POLB: variants seen among roughly 807,000 people sequenced by gnomAD.
The protein encoded by POLB is DNA polymerase beta, also known as 5'-dRP lyase.
In POLB, 37 loss-of-function variants were observed where a neutral mutation model predicts 52.7. That is an observed-to-expected ratio of 0.70 (90% CI 0.54 to 0.92). The LOEUF is 0.92. POLB is among the 40% of genes least tolerant of loss of function. The probability of loss-of-function intolerance (pLI) is 0.00; values close to 1 mark genes in which losing one functional copy is unlikely to be tolerated. For missense variants in POLB, 313 were observed against 400.8 expected (o/e 0.78, Z 1.87); for synonymous variants, 138 against 131.3 (o/e 1.05, Z -0.35).
At chr8:42,355,955 G>A (rs974038396) in intron 7 of POLB, among the ~76,000 whole-genome samples, 2 of 152,078 alleles carry the variant, frequency 1.3e-5, no homozygotes, top group African/African-American at 2.4e-5. Flanking sequence ...TAGTCTACCC[G>A]AGAAGGTAGG....
chr8:42,371,462 T>C (rs1585928951), intron 13 of POLB, 101 bp from the exon 14 acceptor site: 3 of 507,812 alleles, frequency 5.9e-6, no homozygotes, highest in Non-Finnish European at 1.0e-5. Flanking sequence ...ATTTTCTTTT[T>C]TCTTCTGAAA....
chr8:42,344,253 G>A lies in POLB; in HGVS notation c.120-700G>A, dbSNP rs190678817. Among the ~76,000 whole-genome samples, 853 of 151,342 alleles carry A rather than the reference G, an allele frequency of 5.6e-3. 5 individuals are homozygous for A. The highest frequency in any genetic ancestry group is 0.019 in the African/African-American group (800 of 41,200). On this transcript the variant is annotated intron_variant, in intron 2 of 13. Coordinates refer to ENST00000265421, the MANE Select transcript of POLB (RefSeq NM_002690.3). ...GGAGGCTGAGGCGGGTGGATCACCT[G>A]AGGTCAGAGTTTGAGACCAGCCTGG... is the stretch of plus-strand genomic sequence containing the variant.
Position 42,357,373 on chromosome 8 carries a change from C to G in POLB, c.531C>G (p.Val177=), listed in dbSNP as rs978581731. 6.4e-7 allele frequency: 1 copy of G among 1,574,672 alleles called. No homozygotes were observed. Among genetic ancestry groups the G allele is most frequent in the South Asian group, 1.1e-5 (1 of 90,098 alleles). ...KKVDSEYIAT[V]CGSFRRGAES... Reference sequence around the variant, plus strand: ...TGGATTCTGAATACATTGCTACAGTCTGTGGCAGTTTCAGAAGAGGTAACA... The same window carrying G: ...TGGATTCTGAATACATTGCTACAGTGTGTGGCAGTTTCAGAAGAGGTAACA... The change falls in exon 9 of 14, where the codon GTC becomes GTG. Residue 177 remains valine, a synonymous_variant. Coordinates refer to ENST00000265421, the MANE Select transcript of POLB (RefSeq NM_002690.3).
intron 11 of POLB, chr8:42,368,976 T>C (rs1824208147): frequency 4.5e-6 from 1 of 221,706 alleles, no homozygotes; most frequent in African/African-American, 2.3e-5. Flanking sequence ...TTTATTTTGA[T>C]GTCTGTGTTT....
chr8:42,355,827 A>G (rs893448645), intron 7 of POLB, among the ~76,000 whole-genome samples: 6 of 152,220 alleles, frequency 3.9e-5, no homozygotes, highest in African/African-American at 1.4e-4. Context: ...TAAAATACCT[A>G]GGACTGAGTG....
In POLB at chr8:42,338,618, G is replaced by A; in HGVS notation, c.-7G>A. The A allele has an allele frequency of 6.2e-7, 1 of 1,613,932 alleles. No individual in the cohort carries two copies. On this transcript the variant is annotated 5_prime_UTR_variant, in exon 1 of 14. Coordinates refer to ENST00000265421, the MANE Select transcript of POLB (RefSeq NM_002690.3). ...GAACACTCTGGGGTTCTCGGGTGCA[G>A]GCCGCCATGAGCAAACGGAAGGCGC...
At chr8:42,348,842 A>G (rs901607511) in intron 3 of POLB, among the ~76,000 whole-genome samples, 174 bp from the exon 4 acceptor site, 1 of 152,202 alleles carries the variant, frequency 6.6e-6, no homozygotes, top group Non-Finnish European at 1.5e-5. Context: ...TCATGTAAGC[A>G]TTCTGTCTTC....
At chr8:42,362,274 A>G (rs1418442805) in intron 10 of POLB, among the ~76,000 whole-genome samples, 3 of 151,360 alleles carry the variant, frequency 2.0e-5, no homozygotes, top group Admixed American at 2.0e-4. Context: ...AAAATAAAAT[A>G]AAATAAAATA....
rs1007926518 is a variant in POLB, at chr8:42,338,527, T to A, written c.-98T>A. The A allele has an allele frequency of 1.8e-6, 2 of 1,095,086 alleles. No homozygotes were observed. Among genetic ancestry groups the A allele is most frequent in the East Asian group, 2.4e-5 (1 of 41,286 alleles). The allele number at this position is 1,095,086 out of a possible 1,614,324, so 67.8% of individuals were successfully genotyped here. A position where few individuals can be genotyped will look rare whatever the true frequency, so the allele number is the denominator to read the frequency against. On this transcript the variant is annotated 5_prime_UTR_variant, in exon 1 of 14. Transcript: ENST00000265421. Reference sequence around the variant, plus strand: ...GCCGGTCGCGCCGGAGCTGGGTTGCTCCTGCTCCCGTCTCCAAGTCCTGGT... The same window carrying A: ...GCCGGTCGCGCCGGAGCTGGGTTGCACCTGCTCCCGTCTCCAAGTCCTGGT...
In POLB at chr8:42,361,328, T is replaced by TG; in HGVS notation, c.585dup (p.Thr196AspfsTer37). The TG allele has an allele frequency of 6.2e-7, 1 of 1,613,014 alleles. No homozygotes were observed. The highest frequency in any genetic ancestry group is 8.5e-7 in the Non-Finnish European group (1 of 1,178,912). On this transcript the variant is annotated frameshift_variant, in exon 10 of 14. Coordinates refer to ENST00000265421, the MANE Select transcript of POLB (RefSeq NM_002690.3). LOFTEE classifies it high-confidence loss of function. ...TCCAGTGGTGACATGGATGTTCTCC[T>TG]GACCCATCCCAGCTTCACTTCAGAA... is the stretch of plus-strand genomic sequence containing the variant.
intron 2 of POLB, among the ~76,000 whole-genome samples, chr8:42,340,316 TGTA>T (rs146499378): frequency 4.3e-4 from 65 of 152,320 alleles, no homozygotes; most frequent in African/African-American, 1.6e-3. Flanking sequence ...TCCGATCTCA[TGTA>T]GTAGGTGGCA....
Position 42,363,527 on chromosome 8 carries a change from CAAAAA to C in POLB, c.708+854_708+858del, listed in dbSNP as rs1163249252. ...TGGGTGACAGACCGAGACTCTGTCTCAAAAAAAAAAAAAAAAAAAAAAAAAAAAAG... is the reference window on the plus strand; with the variant it reads ...TGGGTGACAGACCGAGACTCTGTCTCAAAAAAAAAAAAAAAAAAAAAAAAG... On this transcript the variant is annotated intron_variant, in intron 11 of 13. Coordinates refer to ENST00000265421, the MANE Select transcript of POLB (RefSeq NM_002690.3). Among the ~76,000 whole-genome samples, 4 of 15,818 alleles carry C rather than the reference CAAAAA, an allele frequency of 2.5e-4. No individual in the cohort carries two copies. The South Asian group carries it at 7.2e-3, about 29-fold the overall frequency. The allele number at this position is 15,818 out of a possible 152,430, so 10.4% of individuals were successfully genotyped here. A position where few individuals can be genotyped will look rare whatever the true frequency, so the allele number is the denominator to read the frequency against.
chr8:42,363,080 G>A (rs1350277456), intron 11 of POLB, among the ~76,000 whole-genome samples: 3 of 150,894 alleles, frequency 2.0e-5, no homozygotes, highest in Non-Finnish European at 4.4e-5. Flanking sequence ...CATAGATCGT[G>A]CCACTGCACT....
Position 42,344,922 on chromosome 8 carries a change from A to G in POLB, c.120-31A>G, listed in dbSNP as rs147550866. 124 of 1,377,666 alleles carry G rather than the reference A, an allele frequency of 9.0e-5. No homozygotes were observed. In the African/African-American group the frequency reaches 1.6e-3, roughly 18 times the overall value. The allele number at this position is 1,377,666 out of a possible 1,614,324, so 85.3% of individuals were successfully genotyped here. A position where few individuals can be genotyped will look rare whatever the true frequency, so the allele number is the denominator to read the frequency against. ...AAAATTAAGGCCTTGATGGATTTCT[A>G]ATTGGTTTTCCTTTTCTTCTTTCCT... On this transcript the variant is annotated intron_variant, in intron 2 of 13. Transcript: ENST00000265421.
chr8:42,338,740 C>T (rs1822004232), intron 1 of POLB, 55 bp downstream of exon 1: 4 of 1,530,674 alleles, frequency 2.6e-6, no homozygotes, highest in Non-Finnish European at 3.6e-6. Flanking sequence ...GCCTCTTCCC[C>T]TGCCTTCCTT....
chr8:42,367,503 A>C (rs1824117558), intron 11 of POLB, among the ~76,000 whole-genome samples: 1 of 152,186 alleles, frequency 6.6e-6, no homozygotes, highest in Non-Finnish European at 1.5e-5. Context: ...TGAAGATGAG[A>C]GCTCTAGGCT....
intron 3 of POLB, among the ~76,000 whole-genome samples, chr8:42,346,688 C>T (rs1353415157): frequency 1.3e-5 from 2 of 152,172 alleles, no homozygotes; most frequent in Non-Finnish European, 2.9e-5. Flanking sequence ...GCCACCATGA[C>T]TGGACCATAA....
At chr8:42,352,086 C>G (rs948346208) in intron 5 of POLB, among the ~76,000 whole-genome samples, 1 of 152,172 alleles carries the variant, frequency 6.6e-6, no homozygotes, top group African/African-American at 2.4e-5. Flanking sequence ...AGGACCCAGC[C>G]ATTCTGTCAT....
chr8:42,370,488 T>C (rs766726776), intron 13 of POLB, among the ~76,000 whole-genome samples: 7 of 151,772 alleles, frequency 4.6e-5, no homozygotes, highest in Non-Finnish European at 8.8e-5. Context: ...ACTAGGAGAA[T>C]GAATTTTTGT....
Sources: allele counts gnomAD v4.1 joint callset (sites outside exome capture counted in the v4.1 genomes callset), GRCh38; gene constraint gnomAD v4.1.1; transcripts MANE v1.5; gene names NCBI Gene and HGNC (gene_info 2026-07-23, HGNC 2026-07-21).